Variants in HMCN1 observed in about 807,000 individuals in gnomAD.
HMCN1 encodes hemicentin 1.
HMCN1 carries 321 observed loss-of-function variants against 625.9 expected under a neutral mutation model. The observed-to-expected ratio is 0.51, with a 90% CI of 0.47 to 0.56. The LOEUF is 0.56. Ranked by LOEUF, HMCN1 falls within the 20% of genes least tolerant of loss-of-function variation. The probability of loss-of-function intolerance (pLI) is 0.00; values close to 1 mark genes in which losing one functional copy is unlikely to be tolerated. For missense variants in HMCN1, 6,588 were observed against 6,887.3 expected (o/e 0.96, Z 1.54); for synonymous variants, 2,425 against 2,417.6 (o/e 1.00, Z -0.09).
intron 10 of HMCN1, among the ~76,000 whole-genome samples, chr1:185,931,304 G>C (rs1368503753): frequency 6.6e-6 from 1 of 152,062 alleles, no homozygotes; most frequent in Non-Finnish European, 1.5e-5. Context: ...CTCAGGAATG[G>C]CTGCTCTTTG....
At chr1:185,785,294 T>C (rs1657484012) in intron 1 of HMCN1, among the ~76,000 whole-genome samples, 1 of 152,224 alleles carries the variant, frequency 6.6e-6, no homozygotes, top group Admixed American at 6.5e-5. Flanking sequence ...TCTTCCTGAC[T>C]TCTCTGGTGT....
rs970757216 is a variant in HMCN1, at chr1:186,145,574, G to A, written c.14437+1G>A. On this transcript the variant is annotated splice_donor_variant, in intron 92 of 106. Transcript: ENST00000271588. LOFTEE classifies it high-confidence loss of function. The stretch of plus-strand genomic sequence containing the variant: ...AGGTGCAACACTGACATGTGTCCTG[G>A]TGAGCCTCTTGATTTCTGGCAGTTG... 6.2e-7 allele frequency: 1 copy of A among 1,613,806 alleles called. No individual in the cohort carries two copies. The highest frequency in any genetic ancestry group is 1.3e-5 in the African/African-American group (1 of 74,942).
At chr1:185,984,448 ATATC>A in intron 19 of HMCN1, 135 bp downstream of exon 19, 1 of 926,686 alleles carries the variant, frequency 1.1e-6, no homozygotes, top group Non-Finnish European at 1.7e-6. Context: ...TTCTTGAACA[ATATC>A]TACATTGTTA....
chr1:185,914,798 C>T (rs199714492), intron 6 of HMCN1, among the ~76,000 whole-genome samples: 1 of 150,778 alleles, frequency 6.6e-6, no homozygotes, highest in African/African-American at 2.5e-5. Context: ...ATTAATTTCT[C>T]CCTTATATCA....
intron 1 of HMCN1, among the ~76,000 whole-genome samples, chr1:185,781,881 G>T (rs138530828): frequency 1.6e-4 from 25 of 152,168 alleles, no homozygotes; most frequent in African/African-American, 6.0e-4. Context: ...GTGCAGAGCC[G>T]AATTCAATTC....
At chr1:185,982,588 C>T (rs745884469) in intron 18 of HMCN1, among the ~76,000 whole-genome samples, 199 bp downstream of exon 18, 7 of 151,636 alleles carry the variant, frequency 4.6e-5, no homozygotes, top group Non-Finnish European at 8.8e-5. Context: ...TACAGGTGAC[C>T]GCCACCATGC....
chr1:186,074,973 C>A lies in HMCN1; in HGVS notation c.8290+82C>A, dbSNP rs142383370. 968 of 1,210,790 alleles carry A rather than the reference C, an allele frequency of 8.0e-4. 7 individuals are homozygous for A. The African/African-American group carries it at 0.013, about 17-fold the overall frequency. 75.0% of individuals were successfully genotyped at this position (1,210,790 alleles called of 1,614,324 possible). On this transcript the variant is annotated intron_variant, in intron 53 of 106. Coordinates refer to ENST00000271588, the MANE Select transcript of HMCN1 (RefSeq NM_031935.3). ...GAAAAGAGATTTGACTTATTTTAAA[C>A]AGTGTTTTTTTCTGTTGACAATAAT...
At chr1:185,774,464 A>G (rs1656462442) in intron 1 of HMCN1, among the ~76,000 whole-genome samples, 1 of 152,172 alleles carries the variant, frequency 6.6e-6, no homozygotes, top group African/African-American at 2.4e-5. Flanking sequence ...TTTCCCTGAC[A>G]GTGTCTGTTG....
intron 89 of HMCN1, among the ~76,000 whole-genome samples, chr1:186,140,588 A>G (rs577691636): frequency 6.2e-4 from 94 of 152,274 alleles, no homozygotes; most frequent in African/African-American, 2.1e-3. Context: ...TTTTACTTCT[A>G]TTATTAATAA....
At chr1:186,012,692 C>T (rs985690379) in intron 30 of HMCN1, among the ~76,000 whole-genome samples, 10 of 152,082 alleles carry the variant, frequency 6.6e-5, no homozygotes, top group African/African-American at 2.4e-4. Flanking sequence ...CCTTGGTTGG[C>T]TAACAAATGA....
At chr1:185,932,389 A>G (rs1463276114) in intron 10 of HMCN1, among the ~76,000 whole-genome samples, 1 of 152,182 alleles carries the variant, frequency 6.6e-6, no homozygotes, top group Non-Finnish European at 1.5e-5. Context: ...GCACTCATAT[A>G]TAGTTTTAAA....
chr1:186,049,291 A>T (rs1170290297), intron 42 of HMCN1, among the ~76,000 whole-genome samples: 1 of 152,100 alleles, frequency 6.6e-6, no homozygotes, highest in Non-Finnish European at 1.5e-5. Flanking sequence ...TCTAAGTTGA[A>T]ATTTTACCAT....
At chr1:186,072,835 C>T (rs1658558505) in intron 52 of HMCN1, among the ~76,000 whole-genome samples, 1 of 152,182 alleles carries the variant, frequency 6.6e-6, no homozygotes, top group East Asian at 1.9e-4. Context: ...CCCCTTGTGC[C>T]AGTTGGCCTT....
intron 105 of HMCN1, among the ~76,000 whole-genome samples, chr1:186,182,889 C>G (rs1400443072): frequency 5.3e-5 from 8 of 152,046 alleles, no homozygotes; most frequent in Non-Finnish European, 1.0e-4. Context: ...GGTTTTATAA[C>G]AGAGTTTTGG....
rs753039891 is a variant in HMCN1 at position 186,019,593 on chromosome 1, C to T, written c.5523C>T (p.Tyr1841=). 1 of 1,610,506 alleles carries T rather than the reference C, an allele frequency of 6.2e-7. No homozygotes were observed. Among genetic ancestry groups the T allele is most frequent in the Admixed American group, 1.7e-5 (1 of 59,900 alleles). ...TTTCTGAGAGAGTTGTGGTAAAATACAAGCCTGTCGCCTTGCAGTGCATAG... is the reference window on the plus strand; with the variant it reads ...TTTCTGAGAGAGTTGTGGTAAAATATAAGCCTGTCGCCTTGCAGTGCATAG... ...SGLSERVVVK[Y]KPVALQCIAN... is the part of the protein sequence containing the mutation. The change falls in exon 35 of 107, where the codon TAC becomes TAT. Residue 1841 remains tyrosine, a synonymous_variant. Coordinates refer to ENST00000271588, the MANE Select transcript of HMCN1 (RefSeq NM_031935.3).
intron 1 of HMCN1, among the ~76,000 whole-genome samples, chr1:185,839,095 C>A (rs1208019797): frequency 6.6e-6 from 1 of 152,174 alleles, no homozygotes; most frequent in South Asian, 2.1e-4. Flanking sequence ...ATTCTCCCAA[C>A]ATGTGGAAAT....
intron 11 of HMCN1, among the ~76,000 whole-genome samples, chr1:185,935,626 G>A (rs996672068): frequency 4.6e-5 from 7 of 152,074 alleles, no homozygotes; most frequent in African/African-American, 1.7e-4. Flanking sequence ...TTATTACTGG[G>A]TAATCTGTAC....
At chr1:185,987,620 C>CCTCCTGCTCAAGACT in intron 20 of HMCN1, 76 bp downstream of exon 20, 1 of 950,066 alleles carries the variant, frequency 1.1e-6, no homozygotes, top group Non-Finnish European at 1.7e-6. Context: ...TAGTCTTGAG[C>CCTCCTGCTCAAGACT]AGGAGGCTCA....
At chr1:185,897,578 A>G (rs903819202) in intron 4 of HMCN1, among the ~76,000 whole-genome samples, 5 of 152,180 alleles carry the variant, frequency 3.3e-5, no homozygotes, top group African/African-American at 1.2e-4. Flanking sequence ...CTTCTGTCCC[A>G]GATGTTCTCC....
Sources: allele counts gnomAD v4.1 joint callset (sites outside exome capture counted in the v4.1 genomes callset), GRCh38; gene constraint gnomAD v4.1.1; transcripts MANE v1.5; gene names NCBI Gene and HGNC (gene_info 2026-07-23, HGNC 2026-07-21).